Variants in RBFOX3 observed in about 807,000 individuals in gnomAD.
RBFOX3 encodes the protein RNA binding fox-1 homolog 3, also known as RNA binding protein fox-1 homolog 3.
RBFOX3 carries 17 observed loss-of-function variants against 48.7 expected under a neutral mutation model. That is an observed-to-expected ratio of 0.35 (90% confidence interval 0.24 to 0.52). The LOEUF is 0.52. Among genes scored for constraint, RBFOX3 ranks in the 20% least tolerant of loss-of-function variants. RBFOX3 has a pLI of 0.94. For synonymous variants in RBFOX3, 212 were observed against 209.5 expected (o/e 1.01, Z -0.10); for missense variants, 382 against 497.5 (o/e 0.77, Z 2.21).
chr17:79,592,117 T>C (rs966129774), intron 1 of RBFOX3, among the ~76,000 whole-genome samples: 25 of 150,298 alleles, frequency 1.7e-4, no homozygotes, highest in African/African-American at 6.1e-4. Flanking sequence ...GTGTAGTGTG[T>C]GTGGAATGTG....
At chr17:79,635,984 C>T in the RBFOX3 span, among the ~76,000 whole-genome samples, 3,281 of 152,236 alleles carry the variant, frequency 0.022, 99 homozygotes, top group African/African-American at 0.063. Flanking sequence ...GATAAACCCA[C>T]GTGGAAGACC....
chr17:79,289,302 G>T (rs1462086388), intron 3 of RBFOX3, among the ~76,000 whole-genome samples: 2 of 152,236 alleles, frequency 1.3e-5, no homozygotes, highest in East Asian at 1.9e-4. Flanking sequence ...AGATGGGGAA[G>T]GTTAGAGTAT....
intron 3 of RBFOX3, among the ~76,000 whole-genome samples, chr17:79,270,605 G>A (rs1469023392): frequency 1.3e-5 from 2 of 152,210 alleles, no homozygotes; most frequent in African/African-American, 4.8e-5. Flanking sequence ...AATGGTGCCA[G>A]GCCAGGACGC....
At chr17:79,658,778 CGT>C in the RBFOX3 span, among the ~76,000 whole-genome samples, 1 of 152,138 alleles carries the variant, frequency 6.6e-6, no homozygotes, top group Non-Finnish European at 1.5e-5. Flanking sequence ...GTGCCAGGCA[CGT>C]GCTCATTCAT....
At chr17:79,470,834 C>G (rs142849855) in intron 2 of RBFOX3, among the ~76,000 whole-genome samples, 18 of 152,326 alleles carry the variant, frequency 1.2e-4, no homozygotes, top group Non-Finnish European at 2.1e-4. Flanking sequence ...TGGCAACACA[C>G]GCCCAGTCCC....
the RBFOX3 span, among the ~76,000 whole-genome samples, chr17:79,618,077 G>C: frequency 6.6e-6 from 1 of 152,170 alleles, no homozygotes; most frequent in African/African-American, 2.4e-5. Flanking sequence ...CTCCTCCCAC[G>C]TGGATGGGAA....
At chr17:79,139,033 C>A (rs934792478) in intron 4 of RBFOX3, among the ~76,000 whole-genome samples, 1 of 150,844 alleles carries the variant, frequency 6.6e-6, no homozygotes, top group Non-Finnish European at 1.5e-5. Context: ...CTCACCCACA[C>A]ACGCACGCAC....
intron 3 of RBFOX3, among the ~76,000 whole-genome samples, chr17:79,263,129 G>A (rs879264336): frequency 3.9e-5 from 6 of 152,206 alleles, no homozygotes; most frequent in Non-Finnish European, 7.3e-5. Context: ...CCAGGGCCCC[G>A]CGAAGCCACC....
intron 5 of RBFOX3, among the ~76,000 whole-genome samples, chr17:79,112,124 A>ACACCT (rs2031883563): frequency 6.6e-6 from 1 of 152,162 alleles, no homozygotes; most frequent in African/African-American, 2.4e-5. Context: ...TCCTGCTCAG[A>ACACCT]GGGGAGGAGC....
At position 79,161,500 on chromosome 17, in the gene RBFOX3, G is replaced by A. The variant is rs552464621; in HGVS notation, c.-33-45752C>T. On this transcript the variant is annotated intron_variant, in intron 4 of 14. Coordinates refer to ENST00000693108, the MANE Select transcript of RBFOX3 (RefSeq NM_001350451.2). ...CGTCTTCCTGCAACTTAACCCCCTC[G>A]GGGGTGTGTGGAGGCCCGGAAGCTG... is the stretch of plus-strand genomic sequence containing the variant. Among the ~76,000 whole-genome samples the A allele has an allele frequency of 4.2e-4, 64 of 152,288 alleles. No homozygotes were observed. The Middle Eastern group carries it at 0.01, about 24-fold the overall frequency.
At chr17:79,562,709 C>T (rs940361699) in intron 1 of RBFOX3, among the ~76,000 whole-genome samples, 1 of 152,182 alleles carries the variant, frequency 6.6e-6, no homozygotes, top group Non-Finnish European at 1.5e-5. Flanking sequence ...GGGTGGGCCC[C>T]GGCCCCGGCT....
rs1258670901 is a variant in RBFOX3, at chr17:79,220,418, C to T, written c.-34+15348G>A. Among the ~76,000 whole-genome samples the T allele has an allele frequency of 6.6e-6, 1 of 152,206 alleles. No individual in the cohort carries two copies. Among genetic ancestry groups the T allele is most frequent in the Admixed American group, 6.5e-5 (1 of 15,290 alleles). ...AGGTCCTCTCTCCCTCTCCCTGTGT[C>T]TCTGCCTCTCGCTTTATTTCCCCAG... On this transcript the variant is annotated intron_variant, in intron 4 of 14. Coordinates refer to ENST00000693108, the MANE Select transcript of RBFOX3 (RefSeq NM_001350451.2). The surrounding 1 kb of genome is among the most constrained non-coding windows in gnomAD (Gnocchi z 5.9).
chr17:79,590,824 G>A (rs2093395823), intron 1 of RBFOX3, among the ~76,000 whole-genome samples: 1 of 152,192 alleles, frequency 6.6e-6, no homozygotes, highest in Non-Finnish European at 1.5e-5. Context: ...CCTGGGGTAA[G>A]AGTTCTCATC....
the RBFOX3 span, among the ~76,000 whole-genome samples, chr17:79,628,834 T>C: frequency 0.98 from 149,173 of 152,324 alleles, 73,127 homozygotes; most frequent in East Asian, 1. Context: ...ATTATTCTTG[T>C]TTCACAGCAC....
intron 2 of RBFOX3, among the ~76,000 whole-genome samples, chr17:79,399,061 A>C (rs1246820693): frequency 6.6e-6 from 1 of 152,142 alleles, no homozygotes; most frequent in African/African-American, 2.4e-5. Flanking sequence ...GGTTGGAGTG[A>C]CGCGGCTACA....
intron 12 of RBFOX3, among the ~76,000 whole-genome samples, chr17:79,095,893 C>A (rs2075135627): frequency 6.6e-6 from 1 of 152,214 alleles, no homozygotes; most frequent in Admixed American, 6.5e-5. Context: ...TAGCGGGTAC[C>A]CATGACTCAT....
chr17:79,173,930 G>A (rs2049945232), intron 4 of RBFOX3, among the ~76,000 whole-genome samples: 1 of 126,926 alleles, frequency 7.9e-6, no homozygotes, highest in Non-Finnish European at 1.7e-5. Context: ...GTGGGGGGTG[G>A]GGGTGTCAGC....
At chr17:79,456,737 G>A (rs1307329422) in intron 2 of RBFOX3, among the ~76,000 whole-genome samples, 1 of 152,062 alleles carries the variant, frequency 6.6e-6, no homozygotes, top group Non-Finnish European at 1.5e-5. Flanking sequence ...ACCCCCCAGG[G>A]CCCTTCAGAG....
rs781972971 is a variant in RBFOX3, at chr17:79,453,127, T to C, written c.-175+29327A>G. On this transcript the variant is annotated intron_variant, in intron 2 of 14. Coordinates refer to ENST00000693108, the MANE Select transcript of RBFOX3 (RefSeq NM_001350451.2). The stretch of plus-strand genomic sequence containing the variant: ...CTCAACCTGCAGTCACGGCAGTGTG[T>C]CCTTTCTGTAAACCCGGGATGAAAT... Among the ~76,000 whole-genome samples the C allele has an allele frequency of 2.6e-5, 4 of 152,262 alleles. No homozygotes were observed. In the South Asian group the frequency reaches 8.3e-4, roughly 31 times the overall value.
Sources: gnomAD v4.1 joint callset for allele counts (sites outside exome capture counted in the v4.1 genomes callset) on GRCh38, gnomAD v4.1.1 for gene constraint, Gnocchi (gnomAD v3.1) non-coding constraint, MANE v1.5 for transcripts, NCBI Gene and HGNC (gene_info 2026-07-23, HGNC 2026-07-21) for gene names.